The following GJB7 variants were observed in gnomAD, a reference collection of about 807,000 sequenced individuals.
GJB7 encodes gap junction protein beta 7.
For missense variants in GJB7, 253 were observed against 256.8 expected (o/e 0.99, Z 0.10); for synonymous variants, 87 against 95.2 (o/e 0.91, Z 0.50).
rs531198937 is a variant in GJB7 at position 87,310,370 on chromosome 6, C to G, written c.-28+12496G>C. Among the ~76,000 whole-genome samples, 5 of 152,114 alleles carry G rather than the reference C, an allele frequency of 3.3e-5. No individual in the cohort carries two copies. In the South Asian group the frequency reaches 1.0e-3, roughly 32 times the overall value. The stretch of plus-strand genomic sequence containing the variant: ...TCATTAAAATTAAGAACTTGTTAAT[C>G]AGAAGACACCATCAAGAGAGTAAAA... On this transcript the variant is annotated intron_variant, in intron 2 of 2. Transcript: ENST00000525899.
intron 1 of GJB7, 40 bp from the exon 2 acceptor site, chr6:87,323,083 C>CT (rs1044083237): frequency 3.5e-5 from 5 of 141,496 alleles, no homozygotes; most frequent in Non-Finnish European, 7.4e-5. Context: ...ATGAAGTTTT[C>CT]TTTTGGAGGC....
chr6:87,315,030 A>G (rs1478320513), intron 2 of GJB7, among the ~76,000 whole-genome samples: 1 of 152,208 alleles, frequency 6.6e-6, no homozygotes, highest in South Asian at 2.1e-4. Context: ...AGATAGGCCC[A>G]GCTATCTTTC....
chr6:87,322,148 T>G (rs1019045211), intron 2 of GJB7: 3 of 152,232 alleles, frequency 2.0e-5, no homozygotes, highest in Admixed American at 6.5e-5. Context: ...ATCCTGCATC[T>G]TGGACTCTCA....
chr6:87,308,659 T>C (rs1015602071), intron 2 of GJB7, among the ~76,000 whole-genome samples: 1 of 152,092 alleles, frequency 6.6e-6, no homozygotes, highest in African/African-American at 2.4e-5. Flanking sequence ...TGGCCAAGAA[T>C]TTTCTCAATC....
chr6:87,317,080 C>T lies in GJB7; in HGVS notation c.-28+5786G>A, dbSNP rs532772133. On this transcript the variant is annotated intron_variant, in intron 2 of 2. Coordinates refer to ENST00000525899, the MANE Select transcript of GJB7 (RefSeq NM_198568.3). ...TTTATATTGAAAGTATCTGGCTGGG[C>T]GTGGTGGCTCATGCCTGTAATCTCA... Among the ~76,000 whole-genome samples the T allele has an allele frequency of 4.6e-5, 7 of 151,928 alleles. No homozygotes were observed. In the South Asian group the frequency reaches 8.3e-4, roughly 18 times the overall value.
At chr6:87,306,581 C>T (rs535044898) in intron 2 of GJB7, among the ~76,000 whole-genome samples, 2,139 of 151,592 alleles carry the variant, frequency 0.014, 53 homozygotes, top group African/African-American at 0.047. Flanking sequence ...TTGATGGGAC[C>T]GTAAACTAGT....
At chr6:87,298,530 A>G (rs753034923) in intron 2 of GJB7, among the ~76,000 whole-genome samples, 8 of 152,208 alleles carry the variant, frequency 5.3e-5, no homozygotes, top group Admixed American at 1.3e-4. Context: ...ACTCTAAATC[A>G]CATGGAGTCC....
chr6:87,322,337 C>T (rs1035992331), intron 2 of GJB7: 3 of 152,242 alleles, frequency 2.0e-5, no homozygotes, highest in African/African-American at 7.2e-5. Context: ...ACACACCGAA[C>T]TGGAACGTAA....
intron 2 of GJB7, among the ~76,000 whole-genome samples, chr6:87,319,171 G>T (rs946089915): frequency 6.6e-6 from 1 of 152,058 alleles, no homozygotes; most frequent in Non-Finnish European, 1.5e-5. Flanking sequence ...AATATTGATG[G>T]CCCTGCTCAA....
chr6:87,318,809 C>T (rs554063262), intron 2 of GJB7, among the ~76,000 whole-genome samples: 27 of 152,208 alleles, frequency 1.8e-4, no homozygotes, highest in Admixed American at 5.2e-4. Flanking sequence ...ATCCTTGGCT[C>T]ACATTGATCA....
At chr6:87,298,994 G>A (rs1776284077) in intron 2 of GJB7, 1 of 479,014 alleles carries the variant, frequency 2.1e-6, no homozygotes, top group Non-Finnish European at 4.1e-6. Context: ...TGGTGTGACT[G>A]TTCCAAAGTC....
intron 1 of GJB7, among the ~76,000 whole-genome samples, chr6:87,326,403 T>C (rs973806643): frequency 2.1e-4 from 32 of 152,222 alleles, no homozygotes; most frequent in African/African-American, 7.7e-4. Context: ...TGTGGGCATT[T>C]AGGGCTATAA....
intron 2 of GJB7, among the ~76,000 whole-genome samples, chr6:87,297,618 G>A (rs770754822): frequency 6.6e-6 from 1 of 152,170 alleles, no homozygotes; most frequent in Non-Finnish European, 1.5e-5. Flanking sequence ...TGATTCTCTA[G>A]AGAAAATTTA....
At chr6:87,327,533 T>C (rs1260432755) in intron 1 of GJB7, among the ~76,000 whole-genome samples, 1 of 150,156 alleles carries the variant, frequency 6.7e-6, no homozygotes, top group East Asian at 1.9e-4. Context: ...TGGCTGGATA[T>C]GAAATTCTGG....
chr6:87,305,805 C>T (rs1276203561), intron 2 of GJB7, among the ~76,000 whole-genome samples: 1 of 152,206 alleles, frequency 6.6e-6, no homozygotes, highest in African/African-American at 2.4e-5. Flanking sequence ...ACCAAAACAG[C>T]ATGGTACTGG....
chr6:87,305,194 A>G (rs377001500), intron 2 of GJB7, among the ~76,000 whole-genome samples: 1 of 152,144 alleles, frequency 6.6e-6, no homozygotes, highest in African/African-American at 2.4e-5. Flanking sequence ...GGCAGGAGAA[A>G]GAAATAAAGG....
At chr6:87,288,143 C>T (rs1379729411) in intron 2 of GJB7, among the ~76,000 whole-genome samples, 2 of 152,110 alleles carry the variant, frequency 1.3e-5, no homozygotes, top group African/African-American at 4.8e-5. Flanking sequence ...CCTTGCGATC[C>T]GCCCACCTCA....
chr6:87,319,579 A>G (rs1183324811), intron 2 of GJB7, among the ~76,000 whole-genome samples: 3 of 152,258 alleles, frequency 2.0e-5, no homozygotes, highest in Non-Finnish European at 4.4e-5. Context: ...CTACTGCAGT[A>G]ACAGCTTTTT....
At chr6:87,294,949 G>A (rs1242361328) in intron 2 of GJB7, among the ~76,000 whole-genome samples, 1 of 152,166 alleles carries the variant, frequency 6.6e-6, no homozygotes, top group Non-Finnish European at 1.5e-5. Context: ...TGCTCAAGAT[G>A]CTTGACTTCT....
Sources: gnomAD v4.1 joint callset for allele counts (sites outside exome capture counted in the v4.1 genomes callset) on GRCh38, gnomAD v4.1.1 for gene constraint, MANE v1.5 for transcripts, NCBI Gene and HGNC (gene_info 2026-07-23, HGNC 2026-07-21) for gene names.